MGLL: variants seen among roughly 807,000 people sequenced by gnomAD.
The protein encoded by MGLL is lysophospholipase homolog.
MGLL carries 7 observed loss-of-function variants against 29.1 expected under a neutral mutation model. The ratio of observed to expected loss-of-function variants is 0.24; its 90% CI spans 0.14 to 0.45. MGLL has a LOEUF of 0.45. Among genes scored for constraint, MGLL ranks in the 20% least tolerant of loss-of-function variants. The pLI, the probability that MGLL is intolerant of heterozygous loss-of-function variation, is 0.99. For synonymous variants in MGLL, 148 were observed against 168.3 expected (o/e 0.88, Z 0.93); for missense variants, 356 against 413.6 (o/e 0.86, Z 1.21).
At chr3:127,810,258 T>A (rs1470757086) in intron 2 of MGLL, among the ~76,000 whole-genome samples, 2 of 152,150 alleles carry the variant, frequency 1.3e-5, no homozygotes, top group Non-Finnish European at 2.9e-5. Context: ...TGCAAGAAAA[T>A]TAATTTCTGT....
At chr3:127,738,830 G>A (rs377246363) in intron 3 of MGLL, among the ~76,000 whole-genome samples, 21 of 152,306 alleles carry the variant, frequency 1.4e-4, no homozygotes, top group Non-Finnish European at 2.2e-4. Context: ...TGCACCAGCC[G>A]CACAGGCCAG....
chr3:127,728,301 C>T (rs1235800825), intron 3 of MGLL, among the ~76,000 whole-genome samples: 1 of 150,250 alleles, frequency 6.7e-6, no homozygotes, highest in Non-Finnish European at 1.5e-5. Context: ...AGAAAACTAC[C>T]TGTTTATCCA....
At chr3:127,789,670 T>C (rs909258496) in intron 2 of MGLL, among the ~76,000 whole-genome samples, 6 of 150,048 alleles carry the variant, frequency 4.0e-5, no homozygotes, top group Non-Finnish European at 8.9e-5. Flanking sequence ...TGCACTCCAC[T>C]CCACTCTGGG....
chr3:127,812,202 T>C (rs182950544), intron 2 of MGLL, among the ~76,000 whole-genome samples: 26 of 152,356 alleles, frequency 1.7e-4, no homozygotes, highest in African/African-American at 6.0e-4. Context: ...CTTCCAGCTA[T>C]AATAGCTAAG....
intron 3 of MGLL, among the ~76,000 whole-genome samples, chr3:127,741,419 C>T (rs931847931): frequency 6.6e-6 from 1 of 152,248 alleles, no homozygotes; most frequent in South Asian, 2.1e-4. Context: ...GGGCATGGCC[C>T]TCTCAGGCTC....
At position 127,761,499 on chromosome 3, in the gene MGLL, G is replaced by A. The variant is rs2076764001; in HGVS notation, c.262+20290C>T. 6.6e-6 allele frequency among the ~76,000 whole-genome samples: 1 copy of A among 152,228 alleles called. No homozygotes were observed. The highest frequency in any genetic ancestry group is 2.4e-5 in the African/African-American group (1 of 41,458). On this transcript the variant is annotated intron_variant, in intron 3 of 7. Transcript: ENST00000265052. The surrounding 1 kb of genome is among the most constrained non-coding windows in gnomAD (Gnocchi z 4.6). ...AACACTCAGAGACAGCAGTCAAAGA[G>A]GCCACTTCTGCACTGCCTGGACCAG...
At chr3:127,783,548 G>A (rs1272287471) in intron 2 of MGLL, among the ~76,000 whole-genome samples, 1 of 152,240 alleles carries the variant, frequency 6.6e-6, no homozygotes, top group African/African-American at 2.4e-5. Flanking sequence ...CAACAGCTGT[G>A]TTCTTCCTAC....
rs1296177580 is a variant in MGLL at position 127,690,692 on chromosome 3, G to A, written c.*1506C>T. On this transcript the variant is annotated 3_prime_UTR_variant, in exon 8 of 8. Coordinates refer to ENST00000265052, the MANE Select transcript of MGLL (RefSeq NM_007283.7). ...CAACGGTGGCAAAGCCCTGACCAGG[G>A]TCATATTTGCACTAAGGAGCCTCCT... The A allele has an allele frequency of 6.5e-6, 1 of 152,732 alleles. No homozygotes were observed. The highest frequency in any genetic ancestry group is 1.9e-4 in the East Asian group (1 of 5,198). The allele number at this position is 152,732 out of a possible 1,614,324, so 9.5% of individuals were successfully genotyped here. A position where few individuals can be genotyped will look rare whatever the true frequency, so the allele number is the denominator to read the frequency against.
intron 5 of MGLL, 51 bp from the exon 6 acceptor site, chr3:127,710,716 C>T (rs753155808): frequency 1.2e-5 from 17 of 1,433,216 alleles, no homozygotes; most frequent in Middle Eastern, 1.7e-4. Context: ...CATCCACACC[C>T]GGCTCTTCCG....
At chr3:127,695,762 AC>A (rs2075348516) in intron 6 of MGLL, among the ~76,000 whole-genome samples, 2 of 152,220 alleles carry the variant, frequency 1.3e-5, no homozygotes, top group South Asian at 4.1e-4. Context: ...ATTAAAAAAA[AC>A]GAAAGTTTCA....
chr3:127,695,791 T>A (rs895011618), intron 6 of MGLL, among the ~76,000 whole-genome samples: 3 of 152,208 alleles, frequency 2.0e-5, no homozygotes, highest in Admixed American at 2.0e-4. Context: ...ATTTGTATTT[T>A]AAAAAATATA....
chr3:127,721,507 GTTTTTTT>G (rs55892315), intron 4 of MGLL, among the ~76,000 whole-genome samples: 57 of 94,818 alleles, frequency 6.0e-4, no homozygotes, highest in South Asian at 7.9e-4. Context: ...TAATAGGAGG[GTTTTTTT>G]TTTTTTTTTT....
At chr3:127,807,749 T>TC (rs2077591823) in intron 2 of MGLL, among the ~76,000 whole-genome samples, 1 of 94,526 alleles carries the variant, frequency 1.1e-5, no homozygotes, top group African/African-American at 3.8e-5. Flanking sequence ...CTGTGAAAAG[T>TC]CTTTTTTTTT....
intron 3 of MGLL, chr3:127,736,237 T>C (rs1370992045): frequency 5.2e-6 from 5 of 959,104 alleles, no homozygotes; most frequent in South Asian, 4.8e-5. Flanking sequence ...GAAAAGCAAA[T>C]TGCTTTAAAA....
At chr3:127,782,038 T>C (rs972944539) in intron 2 of MGLL, 143 bp from the exon 3 acceptor site, 5 of 739,412 alleles carry the variant, frequency 6.8e-6, no homozygotes, top group Admixed American at 6.3e-5. Flanking sequence ...CTGACCAACA[T>C]AGTGAAACCC....
intron 3 of MGLL, among the ~76,000 whole-genome samples, chr3:127,773,321 C>A (rs1369722596): frequency 1.3e-5 from 2 of 152,248 alleles, no homozygotes; most frequent in Non-Finnish European, 2.9e-5. Context: ...AGCAGCCATG[C>A]CACCTTGGGC....
chr3:127,763,046 G>T (rs1458216954), intron 3 of MGLL, among the ~76,000 whole-genome samples: 3 of 152,176 alleles, frequency 2.0e-5, no homozygotes, highest in Non-Finnish European at 2.9e-5. Flanking sequence ...CACTCTGATT[G>T]GGGAAAGATG....
In MGLL at chr3:127,700,811, G is replaced by A. The variant is rs150726197; in HGVS notation, c.601-5621C>T. ...TTCATTCAGTGAATGGCCTTTCTGC[G>A]TGCACACGTGGAAAGCCCCGATAGC... On this transcript the variant is annotated intron_variant, in intron 6 of 7. Transcript: ENST00000265052. Among the ~76,000 whole-genome samples the A allele has an allele frequency of 5.4e-3, 816 of 152,290 alleles. 6 individuals carry two copies. The highest frequency in any genetic ancestry group is 0.018 in the African/African-American group (756 of 41,554).
chr3:127,739,972 G>A (rs960211784), intron 3 of MGLL, among the ~76,000 whole-genome samples: 2 of 152,186 alleles, frequency 1.3e-5, no homozygotes, highest in African/African-American at 2.4e-5. Flanking sequence ...CACACACAGC[G>A]AGTCCCCTTG....
Sources: gnomAD v4.1 joint callset for allele counts (sites outside exome capture counted in the v4.1 genomes callset) on GRCh38, gnomAD v4.1.1 for gene constraint, Gnocchi (gnomAD v3.1) non-coding constraint, MANE v1.5 for transcripts, NCBI Gene and HGNC (gene_info 2026-07-23, HGNC 2026-07-21) for gene names.